The following DPY19L1 variants were observed in gnomAD, a reference collection of about 807,000 sequenced individuals.
The protein encoded by DPY19L1 is dpy-19 like C-mannosyltransferase 1.
In DPY19L1, 35 loss-of-function variants were observed where a neutral mutation model predicts 96.9. That is an observed-to-expected ratio of 0.36 (90% CI 0.28 to 0.48). The LOEUF (loss-of-function observed/expected upper bound fraction) is 0.48, where lower values mean the gene tolerates loss of function less well. Among genes scored for constraint, DPY19L1 ranks in the 20% least tolerant of loss-of-function variants. The pLI is 0.99. For synonymous variants in DPY19L1, 205 were observed against 252.6 expected (o/e 0.81, Z 1.79); for missense variants, 521 against 777.9 (o/e 0.67, Z 3.93).
At chr7:35,020,465 C>T (rs887749855) in intron 1 of DPY19L1, among the ~76,000 whole-genome samples, 6 of 152,018 alleles carry the variant, frequency 3.9e-5, no homozygotes, top group South Asian at 4.1e-4. Flanking sequence ...AACTGTTTTT[C>T]GATAGTCCTT....
intron 6 of DPY19L1, among the ~76,000 whole-genome samples, chr7:34,996,850 T>C (rs903749485): frequency 2.6e-5 from 4 of 152,164 alleles, no homozygotes; most frequent in African/African-American, 7.2e-5. Context: ...CTCATCACAG[T>C]TCCTCAAATG....
In DPY19L1 at chr7:34,930,935, G is replaced by T. The variant is rs1413952216; in HGVS notation, c.*638C>A. 2.0e-5 allele frequency: 3 copies of T among 152,168 alleles called. No homozygotes were observed. Among genetic ancestry groups the T allele is most frequent in the Non-Finnish European group, 4.4e-5 (3 of 68,040 alleles). The allele number at this position is 152,168 out of a possible 1,614,324, so 9.4% of individuals were successfully genotyped here. A position where few individuals can be genotyped will look rare whatever the true frequency, so the allele number is the denominator to read the frequency against. On this transcript the variant is annotated 3_prime_UTR_variant, in exon 22 of 22. Coordinates refer to ENST00000638088, the MANE Select transcript of DPY19L1 (RefSeq NM_001366673.1). Reference sequence around the variant, plus strand: ...GAGACACGATAATGCCATATGGCTGGAAGTTAAGGGAATTTCCTAACCACA... The same window carrying T: ...GAGACACGATAATGCCATATGGCTGTAAGTTAAGGGAATTTCCTAACCACA...
rs71551084 is a variant in DPY19L1, at chr7:35,022,778, G to GCA, written c.299-4184_299-4183dup. Among the ~76,000 whole-genome samples the GCA allele has an allele frequency of 5.7e-3, 806 of 142,258 alleles. 34 individuals are homozygous for GCA. In the South Asian group the frequency reaches 0.11, roughly 20 times the overall value. The allele number at this position is 142,258 out of a possible 152,430, so 93.3% of individuals were successfully genotyped here. On this transcript the variant is annotated intron_variant, in intron 1 of 21. Coordinates refer to ENST00000638088, the MANE Select transcript of DPY19L1 (RefSeq NM_001366673.1). ...TGAATATATTTTGATACACACACAC[G>GCA]CACACACACACACATCATCCTTTTT... is the stretch of plus-strand genomic sequence containing the variant.
chr7:34,980,803 T>G (rs1310841881), intron 7 of DPY19L1, among the ~76,000 whole-genome samples: 2 of 152,164 alleles, frequency 1.3e-5, no homozygotes, highest in African/African-American at 2.4e-5. Context: ...CTGACAAGGA[T>G]GTATTGATAG....
rs756628747 is a variant in DPY19L1 at position 34,931,716 on chromosome 7, T to G, written c.2104A>C (p.Met702Leu). The G allele has an allele frequency of 3.2e-6, 5 of 1,567,410 alleles. No homozygotes were observed. The African/African-American group carries it at 6.9e-5, about 21-fold the overall frequency. Residue 702 changes from methionine to leucine, a missense_variant, in exon 22 of 22, where the codon ATG (methionine) becomes CTG (leucine). Physicochemically the swap from Met to Leu is conservative, Grantham distance 15. Transcript: ENST00000638088. ...CVRRSKPGCS[M>L]PEIWDVEDPA... ...TCTTCTACATCCCAAATTTCAGGCA[T>G]ACTGCAACCAGGCCTAGAAAAATGA...
intron 3 of DPY19L1, among the ~76,000 whole-genome samples, chr7:35,016,067 TA>T (rs5883493): frequency 0.26 from 39,757 of 152,126 alleles, 5,406 homozygotes; most frequent in Non-Finnish European, 0.31. Flanking sequence ...CTTTTCTCTT[TA>T]AAAAAATTTT....
chr7:34,959,901 AT>A lies in DPY19L1; in HGVS notation c.1093-1832del, dbSNP rs1784457583. ...TATATATGTTTATTTGTATATAAAT[AT>A]ATATATATATATATATATATATTTA... On this transcript the variant is annotated intron_variant, in intron 10 of 21. Coordinates refer to ENST00000638088, the MANE Select transcript of DPY19L1 (RefSeq NM_001366673.1). Among the ~76,000 whole-genome samples the A allele has an allele frequency of 1.3e-3, 21 of 16,356 alleles. No homozygotes were observed. In the Middle Eastern group the frequency reaches 0.11, roughly 83 times the overall value. The allele number at this position is 16,356 out of a possible 152,430, so 10.7% of individuals were successfully genotyped here.
rs1785094719 is a variant in DPY19L1 at position 34,988,398 on chromosome 7, T to C, written c.822+1486A>G. On this transcript the variant is annotated intron_variant, in intron 7 of 21. Coordinates refer to ENST00000638088, the MANE Select transcript of DPY19L1 (RefSeq NM_001366673.1). ...TGCTTCATGGTCCACACTATCACAATGTGCAGGATCCACAGTCAGGAAAAA... is the reference window on the plus strand; with the variant it reads ...TGCTTCATGGTCCACACTATCACAACGTGCAGGATCCACAGTCAGGAAAAA... 2.0e-5 allele frequency among the ~76,000 whole-genome samples: 3 copies of C among 152,088 alleles called. 1 individual carries two copies. In the South Asian group the frequency reaches 6.2e-4, roughly 32 times the overall value.
At chr7:34,949,997 G>A (rs1784238031) in intron 13 of DPY19L1, 99 bp from the exon 14 acceptor site, 2 of 604,500 alleles carry the variant, frequency 3.3e-6, no homozygotes, top group Non-Finnish European at 5.5e-6. Flanking sequence ...ACATTATAGA[G>A]CCCACTGTTC....
chr7:34,955,511 C>A, intron 11 of DPY19L1, 144 bp from the exon 12 acceptor site: 1 of 1,060,864 alleles, frequency 9.4e-7, no homozygotes, highest in Non-Finnish European at 1.4e-6. Context: ...TCCACATGCT[C>A]ATTTCTAGAG....
At chr7:35,023,753 C>CCTTCTCTA (rs1202543605) in intron 1 of DPY19L1, among the ~76,000 whole-genome samples, 1 of 151,818 alleles carries the variant, frequency 6.6e-6, no homozygotes, top group Non-Finnish European at 1.5e-5. Flanking sequence ...AGAGCTGCCT[C>CCTTCTCTA]CTTCTCTATG....
At chr7:34,962,219 AAC>A (rs1257462144) in intron 10 of DPY19L1, among the ~76,000 whole-genome samples, 1 of 152,234 alleles carries the variant, frequency 6.6e-6, no homozygotes, top group Non-Finnish European at 1.5e-5. Context: ...CAAATAAATA[AAC>A]AGTGGTACAT....
intron 13 of DPY19L1, among the ~76,000 whole-genome samples, chr7:34,952,889 T>G (rs1784297882): frequency 6.6e-6 from 1 of 152,186 alleles, no homozygotes; most frequent in South Asian, 2.1e-4. Flanking sequence ...GAAGCATTCA[T>G]TCATAAAAAA....
chr7:34,997,515 C>T (rs1785317795), intron 6 of DPY19L1, among the ~76,000 whole-genome samples: 1 of 142,940 alleles, frequency 7.0e-6, no homozygotes, highest in South Asian at 2.2e-4. Flanking sequence ...GAGGCTGAGG[C>T]AGGAGAATGG....
rs1400890520 is a variant in DPY19L1, at chr7:34,958,082, C to A, written c.1093-12G>T. On this transcript the variant is annotated splice_polypyrimidine_tract_variant and intron_variant, in intron 10 of 21. Coordinates refer to ENST00000638088, the MANE Select transcript of DPY19L1 (RefSeq NM_001366673.1). The stretch of plus-strand genomic sequence containing the variant: ...AGTGCAAGAGAAATCTGGAAAAATC[C>A]AAGAAAAAAATATAAGTAATGCACA... 5 of 1,551,190 alleles carry A rather than the reference C, an allele frequency of 3.2e-6. No homozygotes were observed. The highest frequency in any genetic ancestry group is 2.3e-5 in the Admixed American group (1 of 44,016).
upstream of DPY19L1, chr7:35,037,924 G>C (rs551199591): frequency 3.2e-6 from 4 of 1,233,638 alleles, no homozygotes; most frequent in Admixed American, 8.5e-5. Context: ...CGAAGGAAGA[G>C]CCCTCTCGGG....
At position 35,024,246 on chromosome 7, in the gene DPY19L1, T is replaced by A. The variant is rs571255848; in HGVS notation, c.299-5650A>T. Among the ~76,000 whole-genome samples the A allele has an allele frequency of 1.2e-4, 18 of 152,320 alleles. No individual in the cohort carries two copies. In the South Asian group the frequency reaches 1.7e-3, roughly 14 times the overall value. ...AGGTTCATCTGTACCTAAAGCACGC[T>A]AAAGACTTTTGGCATTACTAACCCT... On this transcript the variant is annotated intron_variant, in intron 1 of 21. Coordinates refer to ENST00000638088, the MANE Select transcript of DPY19L1 (RefSeq NM_001366673.1).
chr7:34,943,930 A>G (rs187966869), intron 16 of DPY19L1, among the ~76,000 whole-genome samples: 5 of 152,186 alleles, frequency 3.3e-5, no homozygotes, highest in Non-Finnish European at 5.9e-5. Context: ...AGGTATAAAC[A>G]TATACCTGTA....
chr7:35,036,431 A>G (rs1786401699), intron 1 of DPY19L1, among the ~76,000 whole-genome samples: 1 of 151,616 alleles, frequency 6.6e-6, no homozygotes, highest in South Asian at 2.1e-4. Context: ...TTTTCAGCAC[A>G]TCATTACACA....
Sources: gnomAD v4.1 joint callset for allele counts (sites outside exome capture counted in the v4.1 genomes callset) on GRCh38, gnomAD v4.1.1 for gene constraint, MANE v1.5 for transcripts, NCBI Gene and HGNC (gene_info 2026-07-23, HGNC 2026-07-21) for gene names.